Variants in SLC17A1 observed in about 807,000 individuals in gnomAD.
SLC17A1 encodes sodium-dependent phosphate transport protein 1.
SLC17A1 carries 51 observed loss-of-function variants against 53.5 expected under a neutral mutation model. The observed-to-expected ratio is 0.95, with a 90% CI of 0.76 to 1.20. The LOEUF (loss-of-function observed/expected upper bound fraction) is 1.20, where lower values mean the gene tolerates loss of function less well. Ranked by LOEUF, SLC17A1 falls within the 50% of genes most tolerant of loss-of-function variation. The pLI, the probability that SLC17A1 is intolerant of heterozygous loss-of-function variation, is 0.00. For synonymous variants in SLC17A1, 179 were observed against 198.8 expected, an observed-to-expected ratio of 0.90 and a Z score of 0.84; for missense variants, 538 against 568.2, an observed-to-expected ratio of 0.95 and a Z score of 0.54.
chr6:25,803,492 C>T (rs1246232186), intron 10 of SLC17A1, among the ~76,000 whole-genome samples: 1 of 152,054 alleles, frequency 6.6e-6, no homozygotes, highest in African/African-American at 2.4e-5. Flanking sequence ...GAACAGTGTT[C>T]CCTGAGAGTT....
At chr6:25,814,961 G>A in intron 6 of SLC17A1, among the ~76,000 whole-genome samples, 1 of 149,798 alleles carries the variant, frequency 6.7e-6, no homozygotes, top group Non-Finnish European at 1.5e-5. Context: ...ACTCCAGGCT[G>A]GCCGACAAAA....
intron 2 of SLC17A1, among the ~76,000 whole-genome samples, chr6:25,827,071 T>C (rs1383285517): frequency 1.3e-5 from 2 of 152,132 alleles, no homozygotes; most frequent in East Asian, 3.8e-4. Context: ...TAAAAAAATG[T>C]AATTACTTAT....
downstream of SLC17A1, among the ~76,000 whole-genome samples, chr6:25,782,168 G>C (rs979500445): frequency 3.3e-5 from 5 of 152,132 alleles, no homozygotes; most frequent in Non-Finnish European, 7.4e-5. Context: ...GCAAGATCTA[G>C]GGAGGGTCTT....
intron 12 of SLC17A1, among the ~76,000 whole-genome samples, chr6:25,797,788 C>T (rs191128224): frequency 6.6e-5 from 10 of 151,918 alleles, no homozygotes; most frequent in Admixed American, 3.9e-4. Context: ...TTAGTAGAGC[C>T]GGGGTTTCAC....
At chr6:25,767,652 AC>A in the SLC17A1 span, among the ~76,000 whole-genome samples, 2 of 152,206 alleles carry the variant, frequency 1.3e-5, no homozygotes, top group Non-Finnish European at 2.9e-5. Context: ...TGTCACACCA[AC>A]AACTAGCAGC....
At chr6:25,783,603 C>T (rs372327589) in intron 12 of SLC17A1, among the ~76,000 whole-genome samples, 46 of 152,086 alleles carry the variant, frequency 3.0e-4, no homozygotes, top group African/African-American at 1.1e-3. Context: ...AGCAAAAAAA[C>T]ACAGTGCACA....
rs778076891 is a variant in SLC17A1 at position 25,819,710 on chromosome 6, A to G, written c.413T>C (p.Val138Ala). The change falls in exon 4 of 13, where the codon GTA becomes GCA. Residue 138 changes from valine (V) to alanine (A), a missense_variant. Val to Ala is a moderately conservative substitution (Grantham distance 64). Coordinates refer to ENST00000244527, the MANE Select transcript of SLC17A1 (RefSeq NM_005074.5). ...AAGIGVAWVVVCRAVQGAAQG... is the reference protein window; with the variant it reads ...AAGIGVAWVVACRAVQGAAQG... The stretch of plus-strand genomic sequence containing the variant: ...GGCTGCTCCCTGAACTGCTCGACAT[A>G]CAACGACCCAAGCTACTCCAATTCC... The G allele has an allele frequency of 8.7e-6, 14 of 1,614,184 alleles. No homozygotes were observed. The Middle Eastern group carries it at 6.6e-4, about 76-fold the overall frequency.
chr6:25,758,888 A>T, the SLC17A1 span, among the ~76,000 whole-genome samples: 3 of 152,104 alleles, frequency 2.0e-5, no homozygotes, highest in South Asian at 4.2e-4. Context: ...GTGTAAACTT[A>T]GATTGTCTAT....
intron 12 of SLC17A1, among the ~76,000 whole-genome samples, chr6:25,793,697 G>A (rs1763549225): frequency 1.3e-5 from 2 of 152,058 alleles, no homozygotes; most frequent in African/African-American, 4.8e-5. Context: ...TTAGATAGCA[G>A]GGATTCTTAA....
At chr6:25,748,845 T>C in the SLC17A1 span, among the ~76,000 whole-genome samples, 103 of 152,320 alleles carry the variant, frequency 6.8e-4, no homozygotes, top group African/African-American at 2.2e-3. Flanking sequence ...CCCAAACATC[T>C]CAGTGGAGTA....
intron 6 of SLC17A1, among the ~76,000 whole-genome samples, 162 bp from the exon 7 acceptor site, chr6:25,813,375 A>G (rs1009282274): frequency 6.6e-6 from 1 of 152,148 alleles, no homozygotes; most frequent in Non-Finnish European, 1.5e-5. Context: ...TTTTATCCAC[A>G]GGGACCCCTC....
chr6:25,817,043 T>G (rs543348931), intron 6 of SLC17A1, among the ~76,000 whole-genome samples: 2 of 152,120 alleles, frequency 1.3e-5, no homozygotes, highest in Non-Finnish European at 2.9e-5. Context: ...GAGATGGGGT[T>G]TCACCATGTT....
At chr6:25,766,655 C>T in the SLC17A1 span, among the ~76,000 whole-genome samples, 2 of 152,142 alleles carry the variant, frequency 1.3e-5, no homozygotes, top group African/African-American at 2.4e-5. Context: ...AATGAGTTTA[C>T]CTCCATGGCC....
chr6:25,726,534 G>T, the SLC17A1 span: 3 of 1,600,432 alleles, frequency 1.9e-6, no homozygotes, highest in Non-Finnish European at 2.6e-6. Flanking sequence ...ACATCTCCTC[G>T]CATCAAATTG....
downstream of SLC17A1, chr6:25,778,075 T>A: frequency 1.5e-6 from 2 of 1,317,222 alleles, no homozygotes. Flanking sequence ...CATGGTTTTT[T>A]CACATATGCA....
intron 12 of SLC17A1, among the ~76,000 whole-genome samples, chr6:25,783,681 C>T (rs3757131): frequency 0.32 from 48,570 of 152,018 alleles, 9,536 homozygotes; most frequent in South Asian, 0.45. Flanking sequence ...TTATCCACAG[C>T]GATAATAAGA....
rs138663284 is a variant in SLC17A1, at chr6:25,788,113, C to T, written c.*3-4895G>A. ...AGTGTTCCTTAAACAAATCAGCTGA[C>T]GAGTTAAATGCTAGCCAGACACAGC... is the stretch of plus-strand genomic sequence containing the variant. On this transcript the variant is annotated intron_variant, in intron 12 of 12. Coordinates refer to ENST00000244527, the MANE Select transcript of SLC17A1 (RefSeq NM_005074.5). Among the ~76,000 whole-genome samples the T allele has an allele frequency of 8.0e-4, 121 of 152,196 alleles. 1 individual carries two copies. The highest frequency in any genetic ancestry group is 2.7e-3 in the African/African-American group (114 of 41,530).
chr6:25,747,197 A>G, the SLC17A1 span, among the ~76,000 whole-genome samples: 2 of 152,212 alleles, frequency 1.3e-5, no homozygotes, highest in Non-Finnish European at 2.9e-5. Flanking sequence ...CAACATTGCC[A>G]TTCTTCCGGG....
chr6:25,829,917 TAAAC>T (rs1350299573), intron 2 of SLC17A1, among the ~76,000 whole-genome samples: 2 of 152,022 alleles, frequency 1.3e-5, no homozygotes, highest in Non-Finnish European at 2.9e-5. Flanking sequence ...ATGGACAACT[TAAAC>T]AATCAAAATA....
Sources: gnomAD v4.1 joint callset for allele counts (sites outside exome capture counted in the v4.1 genomes callset) on GRCh38, gnomAD v4.1.1 for gene constraint, MANE v1.5 for transcripts, NCBI Gene and HGNC (gene_info 2026-07-23, HGNC 2026-07-21) for gene names.